Variants in MACIR observed in about 807,000 individuals in gnomAD.
MACIR encodes UNC119-binding protein C5orf30.
A neutral mutation model predicts 14.3 loss-of-function variants in MACIR; 4 were observed. That is an observed-to-expected ratio of 0.28 (90% CI 0.14 to 0.64). MACIR has a LOEUF of 0.64. Among genes scored for constraint, MACIR ranks in the 30% least tolerant of loss-of-function variants. The pLI is 0.83. For synonymous variants in MACIR, 101 were observed against 102.4 expected, an observed-to-expected ratio of 0.99 and a Z score of 0.08; for missense variants, 228 against 257.6, an observed-to-expected ratio of 0.89 and a Z score of 0.79.
At chr5:103,267,836 A>G (rs1348385388) in intron 2 of MACIR, among the ~76,000 whole-genome samples, 4 of 152,266 alleles carry the variant, frequency 2.6e-5, no homozygotes, top group Admixed American at 2.0e-4. Flanking sequence ...GAACATTTTC[A>G]TCACCCCCCA....
intron 1 of MACIR, among the ~76,000 whole-genome samples, chr5:103,263,903 A>G (rs1804828172): frequency 1.3e-5 from 2 of 152,286 alleles, no homozygotes; most frequent in South Asian, 4.1e-4. Flanking sequence ...TAGAAAATAG[A>G]AGCTCATAGG....
At chr5:103,274,535 A>G (rs1805250403) in intron 2 of MACIR, among the ~76,000 whole-genome samples, 2 of 151,968 alleles carry the variant, frequency 1.3e-5, no homozygotes, top group African/African-American at 4.8e-5. Flanking sequence ...CTTTATCTCA[A>G]ATATTGTAAT....
At chr5:103,268,071 C>G (rs538009025) in intron 2 of MACIR, among the ~76,000 whole-genome samples, 13 of 152,296 alleles carry the variant, frequency 8.5e-5, no homozygotes, top group African/African-American at 3.1e-4. Flanking sequence ...GTTTGTTTAT[C>G]TCTTTCCCTG....
intron 2 of MACIR, among the ~76,000 whole-genome samples, chr5:103,270,678 T>C (rs1014857750): frequency 5.9e-5 from 9 of 152,150 alleles, no homozygotes; most frequent in Non-Finnish European, 1.2e-4. Flanking sequence ...TAAGACCTCT[T>C]TGAGATATCT....
chr5:103,266,099 G>A (rs1285928846), intron 2 of MACIR, 102 bp downstream of exon 2: 2 of 152,112 alleles, frequency 1.3e-5, no homozygotes, highest in African/African-American at 4.8e-5. Context: ...AATGTGAAAT[G>A]TCAGTTAATC....
chr5:103,266,163 A>G (rs1804917002), intron 2 of MACIR, among the ~76,000 whole-genome samples, 166 bp downstream of exon 2: 1 of 152,196 alleles, frequency 6.6e-6, no homozygotes, highest in Non-Finnish European at 1.5e-5. Flanking sequence ...TATAATTACA[A>G]ATTTTTAATG....
intron 1 of MACIR, among the ~76,000 whole-genome samples, 156 bp from the exon 2 acceptor site, chr5:103,265,752 A>G (rs1299559327): frequency 6.6e-6 from 1 of 152,208 alleles, no homozygotes; most frequent in Non-Finnish European, 1.5e-5. Flanking sequence ...CAAACTCAAC[A>G]TCAATTGAAT....
At chr5:103,260,839 C>T (rs1353351628) in intron 1 of MACIR, among the ~76,000 whole-genome samples, 1 of 152,162 alleles carries the variant, frequency 6.6e-6, no homozygotes, top group Non-Finnish European at 1.5e-5. Flanking sequence ...CCAGAGAGAA[C>T]TTTGATTTTG....
chr5:103,275,981 C>T lies in MACIR; in HGVS notation c.62C>T (p.Ala21Val). 6.2e-7 allele frequency: 1 copy of T among 1,614,026 alleles called. No individual in the cohort carries two copies. The highest frequency in any genetic ancestry group is 8.5e-7 in the Non-Finnish European group (1 of 1,180,014). The stretch of plus-strand genomic sequence containing the variant: ...CTGACCACCTTGCCCTTCCCTGGGG[C>T]TGAGGCCAACTCCCCGGGAAAGGCG... ...STLTTLPFPG[A>V]EANSPGKAEA... The change falls in exon 3 of 3, where the codon GCT becomes GTT. Residue 21 changes from alanine to valine, a missense_variant. Coordinates refer to ENST00000319933, the MANE Select transcript of MACIR (RefSeq NM_033211.4).
At chr5:103,269,451 T>TAA (rs3217373) in intron 2 of MACIR, among the ~76,000 whole-genome samples, 12 of 151,784 alleles carry the variant, frequency 7.9e-5, no homozygotes, top group Admixed American at 1.3e-4. Context: ...TGTATGTTGC[T>TAA]AAAAAAAACA....
chr5:103,260,106 G>A (rs1554236097), intron 1 of MACIR, among the ~76,000 whole-genome samples: 1 of 151,712 alleles, frequency 6.6e-6, no homozygotes, highest in African/African-American at 2.4e-5. Flanking sequence ...AGGTAAAGCT[G>A]GAGCTGGGAA....
intron 2 of MACIR, among the ~76,000 whole-genome samples, chr5:103,272,262 G>C (rs1423822066): frequency 1.3e-5 from 2 of 152,060 alleles, no homozygotes; most frequent in Non-Finnish European, 2.9e-5. Flanking sequence ...GTTTCCTGAT[G>C]GATGTCTTTC....
At chr5:103,262,216 G>A (rs1441766784) in intron 1 of MACIR, among the ~76,000 whole-genome samples, 2 of 152,088 alleles carry the variant, frequency 1.3e-5, no homozygotes, top group Non-Finnish European at 2.9e-5. Context: ...GTGCACCAGT[G>A]CCTGCATAGT....
At chr5:103,263,515 A>G (rs993508439) in intron 1 of MACIR, among the ~76,000 whole-genome samples, 6 of 152,188 alleles carry the variant, frequency 3.9e-5, no homozygotes, top group Admixed American at 6.5e-5. Flanking sequence ...TTTCAAATCC[A>G]GACTAAAGTT....
chr5:103,265,323 T>C (rs73194339), intron 1 of MACIR, among the ~76,000 whole-genome samples: 2,641 of 152,264 alleles, frequency 0.017, 66 homozygotes, highest in African/African-American at 0.061. Context: ...AAAAATTAAT[T>C]GCATAATAAT....
chr5:103,267,376 A>G (rs1465921325), intron 2 of MACIR, among the ~76,000 whole-genome samples: 3 of 152,192 alleles, frequency 2.0e-5, no homozygotes, highest in African/African-American at 7.2e-5. Context: ...AAAACAGTCT[A>G]TACATATTCA....
At chr5:103,271,117 T>TATA (rs1269692289) in intron 2 of MACIR, among the ~76,000 whole-genome samples, 1 of 152,128 alleles carries the variant, frequency 6.6e-6, no homozygotes, top group African/African-American at 2.4e-5. Context: ...ATGCTGCTGA[T>TATA]GTATAAATGA....
rs1326180442 is a variant in MACIR at position 103,277,137 on chromosome 5, A to G, written c.*597A>G. 2 of 167,074 alleles carry G rather than the reference A, an allele frequency of 1.2e-5. No homozygotes were observed. The highest frequency in any genetic ancestry group is 2.9e-5 in the Non-Finnish European group (2 of 68,100). 10.3% of individuals were successfully genotyped at this position (167,074 alleles called of 1,614,324 possible). A position where few individuals can be genotyped will look rare whatever the true frequency, so the allele number is the denominator to read the frequency against. ...GCCTCAATAATGTTATTGAGCAATGAATTTTTTATTTCCGCATGGAAAGTT... is the reference window on the plus strand; with the variant it reads ...GCCTCAATAATGTTATTGAGCAATGGATTTTTTATTTCCGCATGGAAAGTT... On this transcript the variant is annotated 3_prime_UTR_variant, in exon 3 of 3. Coordinates refer to ENST00000319933, the MANE Select transcript of MACIR (RefSeq NM_033211.4).
intron 1 of MACIR, among the ~76,000 whole-genome samples, chr5:103,263,415 CTT>C (rs782489523): frequency 1.1e-4 from 17 of 152,110 alleles, no homozygotes; most frequent in Non-Finnish European, 2.4e-4. Flanking sequence ...AGTTACTACT[CTT>C]TGTTTACTAT....
Sources: allele counts gnomAD v4.1 joint callset (sites outside exome capture counted in the v4.1 genomes callset), GRCh38; gene constraint gnomAD v4.1.1; transcripts MANE v1.5; gene names NCBI Gene and HGNC (gene_info 2026-07-23, HGNC 2026-07-21).